RBMS1: variants seen among roughly 807,000 people sequenced by gnomAD.
The protein encoded by RBMS1 is RNA-binding motif, single-stranded-interacting protein 1.
A neutral mutation model predicts 62.3 loss-of-function variants in RBMS1; 17 were observed. The observed-to-expected ratio is 0.27, with a 90% CI of 0.19 to 0.41. The LOEUF (loss-of-function observed/expected upper bound fraction) is 0.41, where lower values mean the gene tolerates loss of function less well. RBMS1 is among the 10% of genes least tolerant of loss of function. The pLI is 1.00. For missense variants in RBMS1, 334 were observed against 504.5 expected (o/e 0.66, Z 3.24); for synonymous variants, 172 against 170.0 (o/e 1.01, Z -0.09).
chr2:160,453,250 G>A lies in RBMS1; in HGVS notation c.75+40039C>T, dbSNP rs552915354. ...TGTGCAAAACCCTGGAGATCCAAAA[G>A]GTTGTGGTGCTTCCAGATGGACAAA... On this transcript the variant is annotated intron_variant, in intron 1 of 13. Coordinates refer to ENST00000348849, the MANE Select transcript of RBMS1 (RefSeq NM_016836.4). 3.3e-5 allele frequency among the ~76,000 whole-genome samples: 5 copies of A among 152,084 alleles called. No individual in the cohort carries two copies. The South Asian group carries it at 1.0e-3, about 32-fold the overall frequency.
chr2:160,303,200 TTTAAG>T (rs1689309459), intron 5 of RBMS1, 125 bp downstream of exon 5: 1 of 889,928 alleles, frequency 1.1e-6, no homozygotes, highest in Non-Finnish European at 1.6e-6. Context: ...TTACACATAA[TTTAAG>T]TTCACAGTGC....
At chr2:160,394,175 G>T (rs1053300603) in intron 1 of RBMS1, among the ~76,000 whole-genome samples, 14 of 152,218 alleles carry the variant, frequency 9.2e-5, no homozygotes, top group African/African-American at 3.1e-4. Flanking sequence ...TGGTACAAGT[G>T]AACAATTTAG....
At chr2:160,383,708 T>C (rs1694412059) in intron 1 of RBMS1, among the ~76,000 whole-genome samples, 3 of 152,198 alleles carry the variant, frequency 2.0e-5, no homozygotes, top group Non-Finnish European at 4.4e-5. Flanking sequence ...ATAGTCATTC[T>C]ATGGTGGTAT....
rs1388414743 is a variant in RBMS1, at chr2:160,281,346, T to C, written c.919A>G (p.Met307Val). 1 of 1,610,106 alleles carries C rather than the reference T, an allele frequency of 6.2e-7. No homozygotes were observed. Among genetic ancestry groups the C allele is most frequent in the Non-Finnish European group, 8.5e-7 (1 of 1,177,354 alleles). ...TGTAGAATATATGGTTGAGGTTGCA[T>C]CCACGAAGGACTTTGCACCTAGAAA... is the stretch of plus-strand genomic sequence containing the variant. ...SAYQVQSPSW[M>V]QPQPYILQHP... The change falls in exon 10 of 14, where the codon ATG becomes GTG. Residue 307 changes from methionine to valine, a missense_variant. Coordinates refer to ENST00000348849, the MANE Select transcript of RBMS1 (RefSeq NM_016836.4).
intron 12 of RBMS1, among the ~76,000 whole-genome samples, chr2:160,276,379 T>C (rs1687836408): frequency 6.7e-6 from 1 of 148,234 alleles, no homozygotes; most frequent in Non-Finnish European, 1.5e-5. Context: ...CAACACCTAC[T>C]ACTACTACTA....
At chr2:160,472,855 G>A (rs920594972) in intron 1 of RBMS1, among the ~76,000 whole-genome samples, 1 of 152,060 alleles carries the variant, frequency 6.6e-6, no homozygotes, top group Non-Finnish European at 1.5e-5. Context: ...AATCCCACAC[G>A]TACTCAGATA....
At chr2:160,281,405 T>C in intron 9 of RBMS1, 41 bp from the exon 10 acceptor site, 1 of 1,491,296 alleles carries the variant, frequency 6.7e-7, no homozygotes, top group Non-Finnish European at 9.3e-7. Context: ...TGATTTTCAT[T>C]GTAAAGCTTA....
Position 160,318,229 on chromosome 2 carries a change from T to TAAAAAAAAAAAAAAAAACAAAAAA in RBMS1, c.252-3_252-2insTTTTTTGTTTTTTTTTTTTTTTTT. The TAAAAAAAAAAAAAAAAACAAAAAA allele has an allele frequency of 8.6e-7, 1 of 1,163,254 alleles. No individual in the cohort carries two copies. Among genetic ancestry groups the TAAAAAAAAAAAAAAAAACAAAAAA allele is most frequent in the East Asian group, 3.6e-5 (1 of 28,056 alleles). 72.1% of individuals were successfully genotyped at this position (1,163,254 alleles called of 1,614,324 possible). On this transcript the variant is annotated splice_polypyrimidine_tract_variant and splice_region_variant and intron_variant, in intron 2 of 13. Transcript: ENST00000348849. ...TTTGTGGAGACTATTTTCCCATATC[T>TAAAAAAAAAAAAAAAAACAAAAAA]AAAAAAAAAAAAAAAAAAAAAAAGG... is the stretch of plus-strand genomic sequence containing the variant.
chr2:160,384,862 A>C (rs1694484985), intron 1 of RBMS1, among the ~76,000 whole-genome samples: 1 of 152,214 alleles, frequency 6.6e-6, no homozygotes, highest in Admixed American at 6.5e-5. Flanking sequence ...CCACTGTTGA[A>C]GGTGGGACCT....
chr2:160,444,446 T>G (rs567531827), intron 1 of RBMS1, among the ~76,000 whole-genome samples: 11 of 152,376 alleles, frequency 7.2e-5, no homozygotes, highest in South Asian at 2.1e-4. Flanking sequence ...AAATGCCATA[T>G]ACTGTTCTGT....
At chr2:160,275,889 A>G (rs552423951) in intron 12 of RBMS1, among the ~76,000 whole-genome samples, 175 bp from the exon 13 acceptor site, 1 of 152,224 alleles carries the variant, frequency 6.6e-6, no homozygotes, top group Non-Finnish European at 1.5e-5. Context: ...TGGCATGTCT[A>G]ACAGACCCAA....
At position 160,273,277 on chromosome 2, in the gene RBMS1, A is replaced by G. The variant is rs1420613888; in HGVS notation, c.*1495T>C. On this transcript the variant is annotated 3_prime_UTR_variant, in exon 14 of 14. Transcript: ENST00000348849. ...ACTGCTTGGATCCAAATCTTCCTTC[A>G]TGCTTTTTTGTTTGTGTGTGTCCAT... The G allele has an allele frequency of 6.6e-6, 1 of 152,210 alleles. No individual in the cohort carries two copies. Among genetic ancestry groups the G allele is most frequent in the African/African-American group, 2.4e-5 (1 of 41,456 alleles). The allele number at this position is 152,210 out of a possible 1,614,324, so 9.4% of individuals were successfully genotyped here.
intron 2 of RBMS1, among the ~76,000 whole-genome samples, chr2:160,361,614 G>A (rs537402756): frequency 6.6e-6 from 1 of 152,230 alleles, no homozygotes; most frequent in East Asian, 1.9e-4. Context: ...AGCTTATTAT[G>A]TAATAACATT....
chr2:160,355,213 T>C (rs764625960), intron 2 of RBMS1, among the ~76,000 whole-genome samples: 1 of 152,146 alleles, frequency 6.6e-6, no homozygotes, highest in Non-Finnish European at 1.5e-5. Flanking sequence ...CCACTATAAA[T>C]AATCAGTGAG....
chr2:160,426,610 AG>A (rs1682637745), intron 1 of RBMS1, among the ~76,000 whole-genome samples: 1 of 152,230 alleles, frequency 6.6e-6, no homozygotes, highest in Admixed American at 6.5e-5. Context: ...TTGTTAAAGT[AG>A]GTTTTAGAGA....
chr2:160,303,108 A>C (rs1228075008), intron 5 of RBMS1, among the ~76,000 whole-genome samples: 1 of 152,188 alleles, frequency 6.6e-6, no homozygotes, highest in Non-Finnish European at 1.5e-5. Flanking sequence ...GTTCCTTTCC[A>C]TAAGGACCCA....
chr2:160,306,940 T>A (rs911737053), intron 4 of RBMS1, among the ~76,000 whole-genome samples: 1 of 152,140 alleles, frequency 6.6e-6, no homozygotes, highest in Admixed American at 6.5e-5. Context: ...CTTTCAATTA[T>A]AGGTGACCAA....
intron 1 of RBMS1, among the ~76,000 whole-genome samples, chr2:160,429,533 A>G (rs564569803): frequency 9.8e-4 from 150 of 152,362 alleles, no homozygotes; most frequent in Middle Eastern, 3.4e-3. Context: ...CACTTTTTAA[A>G]AAATTAAACA....
chr2:160,300,882 A>C (rs1350312262), intron 5 of RBMS1, 152 bp from the exon 6 acceptor site: 18 of 842,276 alleles, frequency 2.1e-5, no homozygotes, highest in Non-Finnish European at 2.8e-5. Flanking sequence ...TCTACCTTTT[A>C]TCTAACTGCT....
Sources: allele counts gnomAD v4.1 joint callset (sites outside exome capture counted in the v4.1 genomes callset), GRCh38; gene constraint gnomAD v4.1.1; transcripts MANE v1.5; gene names NCBI Gene and HGNC (gene_info 2026-07-23, HGNC 2026-07-21).